TSHZ2: variants seen among roughly 807,000 people sequenced by gnomAD.
TSHZ2 encodes the protein teashirt homolog 2.
Under a neutral mutation model 74.4 loss-of-function variants are expected in TSHZ2, and 21 were observed. That is an observed-to-expected ratio of 0.28 (90% confidence interval 0.20 to 0.41). The LOEUF (loss-of-function observed/expected upper bound fraction) is 0.41, where lower values mean the gene tolerates loss of function less well. TSHZ2 is among the 10% of genes least tolerant of loss of function. The pLI is 1.00. For synonymous variants in TSHZ2, 540 were observed against 515.3 expected (o/e 1.05, Z -0.65); for missense variants, 1,244 against 1,293.5 (o/e 0.96, Z 0.59).
chr20:53,430,742 T>A (rs1405576919), intron 2 of TSHZ2, among the ~76,000 whole-genome samples: 3 of 151,906 alleles, frequency 2.0e-5, no homozygotes, highest in African/African-American at 7.3e-5. Context: ...TTTGATTTAG[T>A]TTAGTTTAGT....
intron 2 of TSHZ2, among the ~76,000 whole-genome samples, chr20:53,308,937 G>A (rs565739802): frequency 6.6e-6 from 1 of 152,194 alleles, no homozygotes; most frequent in Non-Finnish European, 1.5e-5. Context: ...TTGCATCGGG[G>A]CAGCAGTTGG....
In TSHZ2 at chr20:53,161,248, G is replaced by A. The variant is rs919250814; in HGVS notation, c.41-92251G>A. Among the ~76,000 whole-genome samples, 4 of 151,930 alleles carry A rather than the reference G, an allele frequency of 2.6e-5. No individual in the cohort carries two copies. The South Asian group carries it at 8.3e-4, about 32-fold the overall frequency. ...AGCCAAATGAATGTCTGCGGAATGA[G>A]TGTTCTAGGCAGTGCAAAGATCCTG... On this transcript the variant is annotated intron_variant, in intron 1 of 2. Transcript: ENST00000371497.
chr20:53,251,132 C>T (rs34100335), intron 1 of TSHZ2, among the ~76,000 whole-genome samples: 1,736 of 152,310 alleles, frequency 0.011, 13 homozygotes, highest in Admixed American at 0.016. Context: ...CCCCAGATTT[C>T]TTTACTTGCT....
intron 2 of TSHZ2, among the ~76,000 whole-genome samples, chr20:53,404,950 C>G (rs550634110): frequency 6.6e-6 from 1 of 152,266 alleles, no homozygotes; most frequent in East Asian, 1.9e-4. Flanking sequence ...CTTCGACATC[C>G]AATTTAAAAC....
intron 1 of TSHZ2, among the ~76,000 whole-genome samples, chr20:53,171,157 C>G (rs1310381738): frequency 1.3e-5 from 2 of 152,174 alleles, no homozygotes; most frequent in African/African-American, 2.4e-5. Flanking sequence ...GATCCGAAAG[C>G]CTTAAAGGGC....
At chr20:53,106,517 G>C (rs1164871474) in intron 1 of TSHZ2, among the ~76,000 whole-genome samples, 1 of 141,284 alleles carries the variant, frequency 7.1e-6, no homozygotes, top group African/African-American at 2.6e-5. Context: ...CCATTCTCCT[G>C]CCTCAGCCTC....
intron 2 of TSHZ2, among the ~76,000 whole-genome samples, chr20:53,394,452 G>A (rs1425900279): frequency 1.3e-5 from 2 of 152,138 alleles, no homozygotes; most frequent in African/African-American, 4.8e-5. Context: ...AACTCTCCTT[G>A]CAAAAACTCA....
chr20:53,486,550 T>G (rs1986293599), intron 2 of TSHZ2, among the ~76,000 whole-genome samples: 1 of 151,658 alleles, frequency 6.6e-6, no homozygotes, highest in East Asian at 1.9e-4. Context: ...CATGATGGAG[T>G]GTGCCTGCGG....
chr20:53,384,997 T>C (rs1419640140), intron 2 of TSHZ2, among the ~76,000 whole-genome samples: 2 of 151,972 alleles, frequency 1.3e-5, no homozygotes, highest in Non-Finnish European at 2.9e-5. Context: ...GGCGGGTGCC[T>C]GTAGTCCCAG....
chr20:53,434,307 G>C (rs1983960792), intron 2 of TSHZ2, among the ~76,000 whole-genome samples: 1 of 152,042 alleles, frequency 6.6e-6, no homozygotes, highest in Non-Finnish European at 1.5e-5. Context: ...GACCCTCCAG[G>C]TATTATCATC....
intron 1 of TSHZ2, among the ~76,000 whole-genome samples, chr20:53,204,185 G>GAT (rs202212079): frequency 3.6e-5 from 1 of 27,476 alleles, no homozygotes; most frequent in East Asian, 9.6e-4. Flanking sequence ...ATGATGATAT[G>GAT]ATACTATATC....
At chr20:53,298,287 G>A (rs911947256) in intron 2 of TSHZ2, among the ~76,000 whole-genome samples, 7 of 152,168 alleles carry the variant, frequency 4.6e-5, no homozygotes, top group Admixed American at 1.3e-4. Flanking sequence ...GAACAAACAC[G>A]TAAACAAAAA....
intron 2 of TSHZ2, among the ~76,000 whole-genome samples, chr20:53,408,364 T>A (rs1256709771): frequency 2.0e-5 from 3 of 152,194 alleles, no homozygotes; most frequent in Non-Finnish European, 4.4e-5. Flanking sequence ...ACACAGCATC[T>A]TTTGTGTGGT....
rs866265323 is a variant in TSHZ2 at position 53,472,809 on chromosome 20, G to A, written c.*9-14335G>A. On this transcript the variant is annotated intron_variant, in intron 2 of 2. Transcript: ENST00000371497. ...AGGTCAGTGGGTGCGCGCACCGTGC[G>A]CGAGCCGAAGCAGGGTGAGGCATTG... 6.6e-3 allele frequency among the ~76,000 whole-genome samples: 1,006 copies of A among 151,804 alleles called. 18 individuals are homozygous for A. Among genetic ancestry groups the A allele is most frequent in the African/African-American group, 0.021 (855 of 41,400 alleles).
chr20:53,260,913 G>A (rs557937496), intron 2 of TSHZ2, among the ~76,000 whole-genome samples: 1 of 152,306 alleles, frequency 6.6e-6, no homozygotes, highest in Admixed American at 6.5e-5. Flanking sequence ...TCAACCTGCT[G>A]TTTGATTCAG....
intron 1 of TSHZ2, among the ~76,000 whole-genome samples, chr20:53,033,417 G>T (rs1983708106): frequency 6.6e-6 from 1 of 152,070 alleles, no homozygotes; most frequent in Non-Finnish European, 1.5e-5. Context: ...GCGAACATAA[G>T]CTCTACCAGT....
chr20:53,378,696 T>C (rs544555008), intron 2 of TSHZ2, among the ~76,000 whole-genome samples: 9 of 152,332 alleles, frequency 5.9e-5, no homozygotes, highest in African/African-American at 2.2e-4. Context: ...TAATGAATAC[T>C]TTTTGTTTGA....
intron 1 of TSHZ2, among the ~76,000 whole-genome samples, chr20:53,065,660 C>T (rs765341010): frequency 5.3e-5 from 8 of 152,142 alleles, no homozygotes; most frequent in Non-Finnish European, 1.2e-4. Flanking sequence ...TGGAAGGGGG[C>T]GTGGAAATCT....
chr20:53,131,496 TC>T (rs1987099136), intron 1 of TSHZ2, among the ~76,000 whole-genome samples: 1 of 152,174 alleles, frequency 6.6e-6, no homozygotes, highest in South Asian at 2.1e-4. Flanking sequence ...CTGATGAGTC[TC>T]CCATCAAATG....
Sources: allele counts gnomAD v4.1 joint callset (sites outside exome capture counted in the v4.1 genomes callset), GRCh38; gene constraint gnomAD v4.1.1; transcripts MANE v1.5; gene names NCBI Gene and HGNC (gene_info 2026-07-23, HGNC 2026-07-21).